The following AGAP3 variants were observed in gnomAD, a reference collection of about 807,000 sequenced individuals.
AGAP3 encodes arf-GAP with GTPase, ANK repeat and PH domain-containing protein 3.
Under a neutral mutation model 96.9 loss-of-function variants are expected in AGAP3, and 24 were observed. That is an observed-to-expected ratio of 0.25 (90% CI 0.18 to 0.35). The LOEUF (loss-of-function observed/expected upper bound fraction) is 0.35. AGAP3 is among the 10% of genes least tolerant of loss of function. AGAP3 has a pLI of 1.00. For missense variants in AGAP3, 876 were observed against 1,254.2 expected, an observed-to-expected ratio of 0.70 and a Z score of 4.55; for synonymous variants, 563 against 536.1, an observed-to-expected ratio of 1.05 and a Z score of -0.69.
intron 1 of AGAP3, among the ~76,000 whole-genome samples, chr7:151,098,522 G>A (rs7385751): frequency 0.78 from 117,876 of 151,820 alleles, 45,842 homozygotes; most frequent in East Asian, 0.98. Context: ...GTGTGGTGGC[G>A]TGCGCCTATA....
At chr7:151,119,859 G>T in intron 7 of AGAP3, 128 bp from the exon 8 acceptor site, 1 of 789,316 alleles carries the variant, frequency 1.3e-6, no homozygotes, top group Non-Finnish European at 2.0e-6. Flanking sequence ...ATCTGTAGGG[G>T]CTAGTGGCCC....
At chr7:151,105,680 C>A (rs571354169) in intron 1 of AGAP3, among the ~76,000 whole-genome samples, 22 of 150,780 alleles carry the variant, frequency 1.5e-4, no homozygotes, top group Non-Finnish European at 2.9e-4. Context: ...GTGGGAAGAT[C>A]TCTTGAGCCC....
intron 1 of AGAP3, chr7:151,115,588 C>G (rs780334241): frequency 5.2e-6 from 6 of 1,161,754 alleles, no homozygotes; most frequent in South Asian, 4.2e-5. Context: ...CCCGCCGCGC[C>G]GCTGTGGGGC....
chr7:151,128,832 C>T, intron 10 of AGAP3, 148 bp downstream of exon 10: 2 of 715,404 alleles, frequency 2.8e-6, no homozygotes, highest in South Asian at 3.5e-5. Flanking sequence ...AGGAACCTCA[C>T]ACTGGCAGCT....
At chr7:151,115,380 G>A in intron 1 of AGAP3, 2 of 1,020,946 alleles carry the variant, frequency 2.0e-6, no homozygotes, top group Non-Finnish European at 2.3e-6. Context: ...GCGGCGCTCC[G>A]AGTCAGGGCT....
At position 151,128,582 on chromosome 7, in the gene AGAP3, G is replaced by A. The variant is rs774683606; in HGVS notation, c.1224G>A (p.Gly408=). 1 of 1,613,532 alleles carries A rather than the reference G, an allele frequency of 6.2e-7. No homozygotes were observed. Among genetic ancestry groups the A allele is most frequent in the African/African-American group, 1.3e-5 (1 of 74,902 alleles). ...GSGRAIPIKQ[G]ILLKRSGKSL... is the part of the protein sequence containing the mutation. ...TCTGATCAGACCTCTGTTCTCAGGG[G>A]ATCCTGCTAAAGCGGAGCGGCAAGT... Residue 408 remains glycine, a splice_region_variant and synonymous_variant, in exon 10 of 18, where the codon GGG becomes GGA. Coordinates refer to ENST00000397238, the MANE Select transcript of AGAP3 (RefSeq NM_031946.7).
chr7:151,122,050 C>G (rs988490798), intron 8 of AGAP3, among the ~76,000 whole-genome samples: 1 of 152,212 alleles, frequency 6.6e-6, no homozygotes, highest in African/African-American at 2.4e-5. Context: ...TGGGGAGGTG[C>G]CCCTCTGGGC....
intron 1 of AGAP3, among the ~76,000 whole-genome samples, chr7:151,097,080 C>T (rs997807599): frequency 3.9e-5 from 6 of 152,108 alleles, no homozygotes; most frequent in South Asian, 2.1e-4. Context: ...TGAGCCACCG[C>T]GCCCGGCCTG....
intron 1 of AGAP3, chr7:151,090,234 G>GA (rs1487112485): frequency 1.8e-5 from 2 of 110,712 alleles, no homozygotes; most frequent in African/African-American, 8.8e-5. Context: ...GCAGTTCCCA[G>GA]ATGGGGGGGG....
At chr7:151,124,314 G>A (rs894670216) in intron 9 of AGAP3, among the ~76,000 whole-genome samples, 54 of 152,172 alleles carry the variant, frequency 3.5e-4, no homozygotes, top group African/African-American at 1.1e-3. Context: ...GCCTCTGTTC[G>A]TCTTTAAAGA....
intron 8 of AGAP3, chr7:151,123,015 T>A: frequency 1.4e-6 from 2 of 1,385,634 alleles, no homozygotes; most frequent in Non-Finnish European, 1.9e-6. Context: ...GCAGGCTCGC[T>A]GCATGGAGAA....
intron 1 of AGAP3, among the ~76,000 whole-genome samples, chr7:151,088,861 GAGCCC>G (rs1798262964): frequency 6.6e-6 from 1 of 152,048 alleles, no homozygotes. Context: ...TCCCCTCCTA[GAGCCC>G]TCCCCTGACC....
chr7:151,116,644 A>C, intron 1 of AGAP3, 149 bp from the exon 2 acceptor site: 22 of 774,018 alleles, frequency 2.8e-5, no homozygotes, highest in Non-Finnish European at 4.9e-5. Flanking sequence ...CTCCTGGGGA[A>C]CTAGGGGTGA....
intron 9 of AGAP3, among the ~76,000 whole-genome samples, chr7:151,124,268 A>G (rs1274851523): frequency 6.6e-6 from 1 of 152,202 alleles, no homozygotes; most frequent in Non-Finnish European, 1.5e-5. Flanking sequence ...GGGCTAGTCC[A>G]GCGCTAGGTC....
At chr7:151,095,171 A>G (rs1052864895) in intron 1 of AGAP3, among the ~76,000 whole-genome samples, 5 of 152,166 alleles carry the variant, frequency 3.3e-5, no homozygotes, top group Non-Finnish European at 7.3e-5. Context: ...AGACCGTTTT[A>G]ATCTCTTTTA....
intron 1 of AGAP3, among the ~76,000 whole-genome samples, chr7:151,111,263 T>G (rs1035618033): frequency 3.3e-5 from 5 of 152,160 alleles, no homozygotes; most frequent in African/African-American, 1.2e-4. Flanking sequence ...CCTGACTGTT[T>G]GGGAGGGCCA....
rs371977050 is a variant in AGAP3, at chr7:151,142,167, G to A, written c.1964G>A (p.Arg655Gln). The A allele has an allele frequency of 7.3e-5, 117 of 1,613,774 alleles. No individual in the cohort carries two copies. The highest frequency in any genetic ancestry group is 6.2e-4 in the South Asian group (56 of 91,042). Residue 655 changes from arginine to glutamine, a missense_variant, in exon 15 of 18, where the codon CGA becomes CAA. Transcript: ENST00000397238. The surrounding 1 kb of genome is among the most constrained non-coding windows in gnomAD (Gnocchi z 7.5). ...GTCTCTCCTGCTGTGCGACAGACTC[G>A]ACTGGGGAACCAGAACGCAGCTCTG... Reference protein sequence around the residue: ...QGCRSAKDKTRLGNQNAALAV... With the variant: ...QGCRSAKDKTQLGNQNAALAV...
intron 2 of AGAP3, 91 bp from the exon 3 acceptor site, chr7:151,117,004 T>A: frequency 6.7e-7 from 1 of 1,492,294 alleles, no homozygotes; most frequent in Non-Finnish European, 9.3e-7. Flanking sequence ...CCCTGGCCTT[T>A]CTCCCTCCTG....
intron 1 of AGAP3, among the ~76,000 whole-genome samples, chr7:151,112,976 C>T (rs576967989): frequency 1.0e-3 from 157 of 151,878 alleles, no homozygotes; most frequent in Non-Finnish European, 1.9e-3. Context: ...TCAGGTGATC[C>T]GCCTGCCTCA....
Sources: gnomAD v4.1 joint callset for allele counts (sites outside exome capture counted in the v4.1 genomes callset) on GRCh38, gnomAD v4.1.1 for gene constraint, Gnocchi (gnomAD v3.1) non-coding constraint, MANE v1.5 for transcripts, NCBI Gene and HGNC (gene_info 2026-07-23, HGNC 2026-07-21) for gene names.